RABGAP1L: variants seen among roughly 807,000 people sequenced by gnomAD.
RABGAP1L encodes rab GTPase-activating protein 1-like.
RABGAP1L carries 63 observed loss-of-function variants against 137.7 expected under a neutral mutation model. That is an observed-to-expected ratio of 0.46 (90% CI 0.37 to 0.56). RABGAP1L has a LOEUF of 0.56. Ranked by LOEUF, RABGAP1L falls within the 20% of genes least tolerant of loss-of-function variation. RABGAP1L has a pLI of 0.00. For synonymous variants in RABGAP1L, 431 were observed against 433.7 expected (o/e 0.99, Z 0.08); for missense variants, 1,095 against 1,244.0 (o/e 0.88, Z 1.80).
chr1:174,453,806 T>A (rs1655716979), intron 13 of RABGAP1L, among the ~76,000 whole-genome samples: 1 of 152,230 alleles, frequency 6.6e-6, no homozygotes, highest in Non-Finnish European at 1.5e-5. Context: ...AGTCTTGCTC[T>A]GTATTTTAAA....
At chr1:174,867,646 T>C (rs1465175130) in intron 19 of RABGAP1L, among the ~76,000 whole-genome samples, 2 of 152,166 alleles carry the variant, frequency 1.3e-5, no homozygotes, top group Admixed American at 1.3e-4. Context: ...AGTAGTAGTG[T>C]GACTTATTTA....
At chr1:174,485,312 C>T (rs923298106) in intron 13 of RABGAP1L, among the ~76,000 whole-genome samples, 4 of 152,018 alleles carry the variant, frequency 2.6e-5, no homozygotes, top group Admixed American at 6.5e-5. Flanking sequence ...GCTTCCTTTC[C>T]GATTTGATGC....
chr1:174,743,412 A>G (rs1404469879), intron 17 of RABGAP1L, among the ~76,000 whole-genome samples: 2 of 152,178 alleles, frequency 1.3e-5, no homozygotes, highest in Admixed American at 6.5e-5. Flanking sequence ...GTCAATTTCT[A>G]TGTTTATCCA....
intron 13 of RABGAP1L, among the ~76,000 whole-genome samples, chr1:174,468,629 A>G (rs1330926614): frequency 6.6e-6 from 1 of 152,212 alleles, no homozygotes; most frequent in East Asian, 1.9e-4. Context: ...TAATTTCTTA[A>G]ACTAATATTG....
chr1:174,415,472 A>G (rs886652616), intron 13 of RABGAP1L, among the ~76,000 whole-genome samples: 6 of 152,192 alleles, frequency 3.9e-5, no homozygotes, highest in African/African-American at 1.4e-4. Context: ...TACTAAAGTC[A>G]GGAAAATTCA....
At chr1:174,405,836 G>C (rs1240055121) in intron 13 of RABGAP1L, among the ~76,000 whole-genome samples, 2 of 151,926 alleles carry the variant, frequency 1.3e-5, no homozygotes, top group Non-Finnish European at 2.9e-5. Flanking sequence ...AAATTAACTG[G>C]GTGTGGCGAC....
chr1:174,523,967 A>G (rs1463600386), intron 13 of RABGAP1L, among the ~76,000 whole-genome samples: 2 of 152,194 alleles, frequency 1.3e-5, no homozygotes, highest in Non-Finnish European at 2.9e-5. Flanking sequence ...GACAAGATTG[A>G]CTTCCTTTTA....
At chr1:174,633,491 T>A (rs1406065651) in intron 13 of RABGAP1L, among the ~76,000 whole-genome samples, 2 of 151,464 alleles carry the variant, frequency 1.3e-5, no homozygotes, top group African/African-American at 4.9e-5. Context: ...GCCATCCCCA[T>A]CAAGCTACCA....
At chr1:174,309,158 A>G (rs1410156310) in intron 11 of RABGAP1L, among the ~76,000 whole-genome samples, 2 of 151,940 alleles carry the variant, frequency 1.3e-5, no homozygotes, top group Admixed American at 1.3e-4. Context: ...GGTTTAAAAA[A>G]TTAGTTTTCA....
chr1:174,651,559 C>T (rs950716009), intron 14 of RABGAP1L, among the ~76,000 whole-genome samples: 8 of 151,598 alleles, frequency 5.3e-5, no homozygotes, highest in African/African-American at 9.7e-5. Context: ...TTAGCTCTTC[C>T]TGTTGAATTG....
chr1:174,965,046 G>A, intron 20 of RABGAP1L: 1 of 1,241,526 alleles, frequency 8.1e-7, no homozygotes, highest in Non-Finnish European at 1.1e-6. Context: ...TTTGAAAAAT[G>A]CAGTATCCTC....
chr1:174,261,991 T>C (rs894493271), intron 7 of RABGAP1L, among the ~76,000 whole-genome samples: 1 of 152,256 alleles, frequency 6.6e-6, no homozygotes, highest in African/African-American at 2.4e-5. Flanking sequence ...AAAGCTACCC[T>C]GTGAGCTTAC....
intron 13 of RABGAP1L, among the ~76,000 whole-genome samples, chr1:174,621,312 C>G (rs1410819619): frequency 1.3e-5 from 2 of 152,220 alleles, no homozygotes; most frequent in Non-Finnish European, 2.9e-5. Flanking sequence ...CCATCCCCAT[C>G]AAGCTACCAA....
intron 13 of RABGAP1L, among the ~76,000 whole-genome samples, chr1:174,398,416 T>G (rs967677702): frequency 7.2e-5 from 11 of 152,108 alleles, no homozygotes; most frequent in African/African-American, 1.4e-4. Flanking sequence ...GTCATGAGTC[T>G]TCTTCTTAGT....
rs181251239 is a variant in RABGAP1L at position 174,761,557 on chromosome 1, C to T, written c.2211+9203C>T. The stretch of plus-strand genomic sequence containing the variant: ...CTCCTCACTTCCCAGATGGTGGGGC[C>T]GCCTAGCAGAGGCGCTCCTCATTTT... On this transcript the variant is annotated intron_variant, in intron 18 of 25. Coordinates refer to ENST00000681986, the MANE Select transcript of RABGAP1L (RefSeq NM_001366446.1). The surrounding 1 kb of genome is among the most constrained non-coding windows in gnomAD (Gnocchi z 4.0). 1.3e-4 allele frequency among the ~76,000 whole-genome samples: 20 copies of T among 150,222 alleles called. No homozygotes were observed. In the East Asian group the frequency reaches 1.4e-3, roughly 10 times the overall value.
At chr1:174,266,464 G>A (rs1674082803) in intron 7 of RABGAP1L, among the ~76,000 whole-genome samples, 1 of 152,186 alleles carries the variant, frequency 6.6e-6, no homozygotes, top group African/African-American at 2.4e-5. Flanking sequence ...TATACAGGCA[G>A]TCCTTGCTTT....
At chr1:174,695,980 C>A (rs1265860378) in intron 15 of RABGAP1L, among the ~76,000 whole-genome samples, 1 of 152,034 alleles carries the variant, frequency 6.6e-6, no homozygotes, top group Non-Finnish European at 1.5e-5. Context: ...GCTGGGCTTC[C>A]TGGAGTTGAG....
chr1:174,931,990 G>GTTTTTTTTTTTTTTTTTTTTTTT (rs532860564), intron 19 of RABGAP1L, among the ~76,000 whole-genome samples: 1 of 69,648 alleles, frequency 1.4e-5, no homozygotes, highest in Non-Finnish European at 2.7e-5. Flanking sequence ...TGCTTTTTTG[G>GTTTTTTTTTTTTTTTTTTTTTTT]TTTTTTTTTT....
chr1:174,328,532 G>T (rs1680748620), intron 11 of RABGAP1L, among the ~76,000 whole-genome samples: 1 of 152,162 alleles, frequency 6.6e-6, no homozygotes, highest in Admixed American at 6.5e-5. Context: ...CACTTTGGGA[G>T]GCCAAGGCAG....
Sources: gnomAD v4.1 joint callset for allele counts (sites outside exome capture counted in the v4.1 genomes callset) on GRCh38, gnomAD v4.1.1 for gene constraint, Gnocchi (gnomAD v3.1) non-coding constraint, MANE v1.5 for transcripts, NCBI Gene and HGNC (gene_info 2026-07-23, HGNC 2026-07-21) for gene names.